LTBP1: variants seen among roughly 807,000 people sequenced by gnomAD.
LTBP1 encodes latent transforming growth factor beta binding protein 1, also known as latent-transforming growth factor beta-binding protein 1.
Under a neutral mutation model 207.6 loss-of-function variants are expected in LTBP1, and 129 were observed. The observed-to-expected ratio is 0.62, with a 90% CI of 0.54 to 0.72. The LOEUF is 0.72. Among genes scored for constraint, LTBP1 ranks in the 30% least tolerant of loss-of-function variants. The pLI is 0.00. For missense variants in LTBP1, 2,281 were observed against 2,217.2 expected, an observed-to-expected ratio of 1.03 and a Z score of -0.58; for synonymous variants, 963 against 833.7, an observed-to-expected ratio of 1.16 and a Z score of -2.67.
intron 2 of LTBP1, among the ~76,000 whole-genome samples, chr2:33,009,476 T>TA (rs1189065854): frequency 2.0e-5 from 3 of 152,134 alleles, no homozygotes; most frequent in Non-Finnish European, 4.4e-5. Flanking sequence ...CTGATGTCTT[T>TA]ATGAAAAGGG....
intron 2 of LTBP1, among the ~76,000 whole-genome samples, chr2:32,995,607 C>T (rs1050435488): frequency 6.6e-6 from 1 of 152,002 alleles, no homozygotes; most frequent in African/African-American, 2.4e-5. Context: ...TGGTGAAACC[C>T]CATCTCTACT....
intron 19 of LTBP1, among the ~76,000 whole-genome samples, chr2:33,287,142 T>C (rs997072597): frequency 9.9e-5 from 15 of 152,214 alleles, no homozygotes; most frequent in Non-Finnish European, 2.1e-4. Flanking sequence ...GCAGGCAGCA[T>C]GGTTTGTGGG....
chr2:33,001,081 G>A (rs1686008984), intron 2 of LTBP1, among the ~76,000 whole-genome samples: 1 of 134,602 alleles, frequency 7.4e-6, no homozygotes, highest in South Asian at 2.6e-4. Flanking sequence ...CTGACCTTTA[G>A]TCCCTGAGCT....
chr2:33,086,431 C>T (rs72869696), intron 3 of LTBP1, among the ~76,000 whole-genome samples: 1,762 of 152,294 alleles, frequency 0.012, 27 homozygotes, highest in African/African-American at 0.04. Context: ...CATTTGGTGC[C>T]TGCTCTAAGG....
chr2:33,102,747 A>G (rs1427922847), intron 3 of LTBP1, among the ~76,000 whole-genome samples: 1 of 152,184 alleles, frequency 6.6e-6, no homozygotes, highest in Non-Finnish European at 1.5e-5. Context: ...TGCTGTTTGT[A>G]TGCACTGTCC....
chr2:33,067,991 T>A (rs897070659), intron 3 of LTBP1, among the ~76,000 whole-genome samples: 20 of 152,162 alleles, frequency 1.3e-4, no homozygotes, highest in Non-Finnish European at 1.9e-4. Flanking sequence ...ATAATAAAAA[T>A]TTTTAAATGC....
chr2:33,198,817 C>T (rs1446304847), intron 7 of LTBP1, among the ~76,000 whole-genome samples: 1 of 152,146 alleles, frequency 6.6e-6, no homozygotes, highest in African/African-American at 2.4e-5. Context: ...TGCTAGCGGT[C>T]TATCAATTTT....
Position 32,969,816 on chromosome 2 carries a change from G to A in LTBP1, c.565+20871G>A, listed in dbSNP as rs552112518. The stretch of plus-strand genomic sequence containing the variant: ...AATGGGATTGCTGGGTGAAAAGGTA[G>A]CTCTGTTTTAAGTTCTTTGAGAGAT... On this transcript the variant is annotated intron_variant, in intron 2 of 33. Transcript: ENST00000404816. 1.6e-4 allele frequency among the ~76,000 whole-genome samples: 25 copies of A among 152,298 alleles called. 2 individuals carry two copies. In the South Asian group the frequency reaches 4.6e-3, roughly 28 times the overall value.
rs199618936 is a variant in LTBP1 at position 33,397,124 on chromosome 2, C to G, written c.4835-9C>G. ...AGCTCTAACTTAGCTTCTGCCCTTT[C>G]CTTTCCAGGTTTTCTAAATAGCTTT... On this transcript the variant is annotated splice_polypyrimidine_tract_variant and intron_variant, in intron 32 of 33. Coordinates refer to ENST00000404816, the MANE Select transcript of LTBP1 (RefSeq NM_206943.4). 149 of 1,612,572 alleles carry G rather than the reference C, an allele frequency of 9.2e-5. No homozygotes were observed. The highest frequency in any genetic ancestry group is 3.3e-4 in the South Asian group (30 of 90,814).
chr2:33,170,761 C>G (rs958928957), intron 5 of LTBP1, among the ~76,000 whole-genome samples: 1 of 149,666 alleles, frequency 6.7e-6, no homozygotes, highest in African/African-American at 2.5e-5. Context: ...AGGCACCCCC[C>G]AGTAGGGGCA....
intron 7 of LTBP1, among the ~76,000 whole-genome samples, chr2:33,216,054 C>G (rs2090674201): frequency 6.6e-6 from 1 of 152,174 alleles, no homozygotes; most frequent in East Asian, 1.9e-4. Flanking sequence ...CCTGGATGGC[C>G]TACAACTAGC....
At chr2:33,044,782 C>G (rs2149443479) in intron 3 of LTBP1, among the ~76,000 whole-genome samples, 1 of 152,192 alleles carries the variant, frequency 6.6e-6, no homozygotes, top group South Asian at 2.1e-4. Context: ...CTGTTGTTTC[C>G]TGAGTTTTTA....
chr2:33,062,368 C>T lies in LTBP1; in HGVS notation c.863+41162C>T, dbSNP rs146469109. Among the ~76,000 whole-genome samples the T allele has an allele frequency of 1.2e-3, 181 of 152,162 alleles. 4 individuals are homozygous for T. In the East Asian group the frequency reaches 0.031, roughly 26 times the overall value. Reference sequence around the variant, plus strand: ...TGTGTGTCGCTCAATAAATCTTTGCCTACTCTCAAATTATAAAGATATTTT... The same window carrying T: ...TGTGTGTCGCTCAATAAATCTTTGCTTACTCTCAAATTATAAAGATATTTT... On this transcript the variant is annotated intron_variant, in intron 3 of 33. Coordinates refer to ENST00000404816, the MANE Select transcript of LTBP1 (RefSeq NM_206943.4).
chr2:32,986,795 A>G (rs1683657899), intron 2 of LTBP1, among the ~76,000 whole-genome samples: 1 of 152,190 alleles, frequency 6.6e-6, no homozygotes, highest in East Asian at 1.9e-4. Flanking sequence ...AATGACACCA[A>G]CAACTCCAAA....
At chr2:33,062,381 A>G (rs1305226093) in intron 3 of LTBP1, among the ~76,000 whole-genome samples, 20 of 152,182 alleles carry the variant, frequency 1.3e-4, no homozygotes, top group Admixed American at 1.3e-3. Flanking sequence ...CTCTCAAATT[A>G]TAAAGATATT....
chr2:33,273,623 G>A, intron 15 of LTBP1, 33 bp from the exon 16 acceptor site: 3 of 1,556,880 alleles, frequency 1.9e-6, no homozygotes, highest in South Asian at 1.2e-5. Flanking sequence ...CATTTCTGTG[G>A]GTTTTTTCAC....
At chr2:33,352,476 T>C (rs2094795124) in intron 26 of LTBP1, among the ~76,000 whole-genome samples, 1 of 152,114 alleles carries the variant, frequency 6.6e-6, no homozygotes, top group Admixed American at 6.5e-5. Flanking sequence ...AATTCTGAAG[T>C]CATACTTTTT....
chr2:33,345,522 A>G (rs115159793), intron 25 of LTBP1, among the ~76,000 whole-genome samples: 2,581 of 152,348 alleles, frequency 0.017, 31 homozygotes, highest in Non-Finnish European at 0.025. Flanking sequence ...AAATTGATCA[A>G]TGTGAACTGG....
At position 33,257,393 on chromosome 2, in the gene LTBP1, A is replaced by G; in HGVS notation, c.2277A>G (p.Pro759=). The G allele has an allele frequency of 6.2e-7, 1 of 1,614,246 alleles. No individual in the cohort carries two copies. Among genetic ancestry groups the G allele is most frequent in the Non-Finnish European group, 8.5e-7 (1 of 1,180,038 alleles). The change falls in exon 12 of 34, where the codon CCA becomes CCG. Residue 759 remains proline, a synonymous_variant. Transcript: ENST00000404816. ...HVGKGPVFVK[P]KNTQPVAKST... The stretch of plus-strand genomic sequence containing the variant: ...GTAAAGGACCTGTATTTGTCAAGCC[A>G]AAGAACACTCAACCTGTTGCTAAAA...
Sources: gnomAD v4.1 joint callset for allele counts (sites outside exome capture counted in the v4.1 genomes callset) on GRCh38, gnomAD v4.1.1 for gene constraint, MANE v1.5 for transcripts, NCBI Gene and HGNC (gene_info 2026-07-23, HGNC 2026-07-21) for gene names.